The following GALR1 variants were observed in gnomAD, a reference collection of about 807,000 sequenced individuals.
GALR1 encodes the protein galanin receptor 1.
A neutral mutation model predicts 17.9 loss-of-function variants in GALR1; 11 were observed. The ratio of observed to expected loss-of-function variants is 0.62; its 90% CI spans 0.39 to 1.02. The LOEUF (loss-of-function observed/expected upper bound fraction) is 1.02, where lower values mean the gene tolerates loss of function less well. Ranked by LOEUF, GALR1 falls within the 50% of genes least tolerant of loss-of-function variation. The pLI, the probability that GALR1 is intolerant of heterozygous loss-of-function variation, is 0.01. For synonymous variants in GALR1, 206 were observed against 205.7 expected (o/e 1.00, Z -0.01); for missense variants, 441 against 456.9 (o/e 0.97, Z 0.32).
chr18:77,271,957 G>GT lies in GALR1; in HGVS notation c.*3056dup, dbSNP rs1399263774. 6.6e-5 allele frequency: 10 copies of GT among 152,198 alleles called. No homozygotes were observed. Among genetic ancestry groups the GT allele is most frequent in the African/African-American group, 2.4e-4 (10 of 41,544 alleles). 9.4% of individuals were successfully genotyped at this position (152,198 alleles called of 1,614,324 possible). A position where few individuals can be genotyped will look rare whatever the true frequency, so the allele number is the denominator to read the frequency against. ...AGATTCTCTGTGCTCTTCTGACCGG[G>GT]TATGTACTCAGCAACATGGGGGACT... On this transcript the variant is annotated 3_prime_UTR_variant, in exon 3 of 3. Coordinates refer to ENST00000299727, the MANE Select transcript of GALR1 (RefSeq NM_001480.4).
At chr18:77,261,827 T>A (rs1448483058) in intron 2 of GALR1, among the ~76,000 whole-genome samples, 4 of 152,170 alleles carry the variant, frequency 2.6e-5, no homozygotes, top group African/African-American at 4.8e-5. Context: ...TGAGCTCCTT[T>A]TAAATTTATT....
rs374792480 is a variant in GALR1 at position 77,272,188 on chromosome 18, A to G, written c.*3286A>G. On this transcript the variant is annotated 3_prime_UTR_variant, in exon 3 of 3. Transcript: ENST00000299727. Reference sequence around the variant, plus strand: ...TCTTTCAGCGCAGATATAACAAATCAGAGTGGGGAGGAGAGATGCTTAAGG... The same window carrying G: ...TCTTTCAGCGCAGATATAACAAATCGGAGTGGGGAGGAGAGATGCTTAAGG... 4.6e-5 allele frequency: 7 copies of G among 152,358 alleles called. No individual in the cohort carries two copies. The South Asian group carries it at 1.2e-3, about 27-fold the overall frequency. The allele number at this position is 152,358 out of a possible 1,614,324, so 9.4% of individuals were successfully genotyped here. A position where few individuals can be genotyped will look rare whatever the true frequency, so the allele number is the denominator to read the frequency against.
intron 2 of GALR1, among the ~76,000 whole-genome samples, chr18:77,257,889 A>G (rs1398764793): frequency 1.3e-5 from 2 of 152,254 alleles, no homozygotes; most frequent in Non-Finnish European, 2.9e-5. Flanking sequence ...AACTGAGAAG[A>G]CACCATTGAT....
chr18:77,269,184 T>G lies in GALR1; in HGVS notation c.*282T>G. 1 of 342,224 alleles carries G rather than the reference T, an allele frequency of 2.9e-6. No homozygotes were observed. Among genetic ancestry groups the G allele is most frequent in the Non-Finnish European group, 5.3e-6 (1 of 188,292 alleles). 21.2% of individuals were successfully genotyped at this position (342,224 alleles called of 1,614,324 possible). ...TCCTCTTCAGACATGAAAGGGAACA[T>G]ATATATTCCATATATATGTTCAACT... On this transcript the variant is annotated 3_prime_UTR_variant, in exon 3 of 3. Coordinates refer to ENST00000299727, the MANE Select transcript of GALR1 (RefSeq NM_001480.4).
At chr18:77,267,646 C>G (rs2144967564) in intron 2 of GALR1, among the ~76,000 whole-genome samples, 1 of 152,342 alleles carries the variant, frequency 6.6e-6, no homozygotes, top group East Asian at 1.9e-4. Flanking sequence ...TTAAAAAATA[C>G]TAGACTCCCG....
At chr18:77,261,468 C>T (rs1008158606) in intron 2 of GALR1, among the ~76,000 whole-genome samples, 4 of 152,172 alleles carry the variant, frequency 2.6e-5, no homozygotes, top group Admixed American at 2.0e-4. Flanking sequence ...ACTTTCTCTG[C>T]GCTGTATCCA....
chr18:77,253,290 G>C (rs1430250149), intron 1 of GALR1, among the ~76,000 whole-genome samples: 1 of 152,192 alleles, frequency 6.6e-6, no homozygotes, highest in Non-Finnish European at 1.5e-5. Flanking sequence ...AGGAACACCT[G>C]ACCCAGATTA....
intron 1 of GALR1, 65 bp from the exon 2 acceptor site, chr18:77,256,093 A>G: frequency 1.2e-6 from 1 of 818,648 alleles, no homozygotes; most frequent in South Asian, 1.5e-5. Context: ...ATAATTGTTA[A>G]TGCAACATAG....
At position 77,250,120 on chromosome 18, in the gene GALR1, C is replaced by A. The variant is rs949425772; in HGVS notation, c.-429C>A. ...GAGCGGCTCCGAGCAACAGGTGCAG[C>A]ACGCAGCCCCTCCGGGAGCCAGGGA... On this transcript the variant is annotated 5_prime_UTR_variant, in exon 1 of 3. Coordinates refer to ENST00000299727, the MANE Select transcript of GALR1 (RefSeq NM_001480.4). Among the ~76,000 whole-genome samples the A allele has an allele frequency of 6.6e-6, 1 of 152,212 alleles. No homozygotes were observed. The highest frequency in any genetic ancestry group is 1.5e-5 in the Non-Finnish European group (1 of 68,042).
At chr18:77,256,306 C>A in intron 2 of GALR1, 83 bp downstream of exon 2, 1 of 778,586 alleles carries the variant, frequency 1.3e-6, no homozygotes, top group Admixed American at 2.1e-5. Flanking sequence ...TCACGTCCAT[C>A]CAAAGCCTGT....
rs747555394 is a variant in GALR1 at position 77,271,392 on chromosome 18, A to T, written c.*2490A>T. On this transcript the variant is annotated 3_prime_UTR_variant, in exon 3 of 3. Coordinates refer to ENST00000299727, the MANE Select transcript of GALR1 (RefSeq NM_001480.4). ...GAGTCTACTTCTAAAACAAATTTTG[A>T]TAGGGATAATGACATCTTCTGCAAA... 15 of 152,140 alleles carry T rather than the reference A, an allele frequency of 9.9e-5. No individual in the cohort carries two copies. Among genetic ancestry groups the T allele is most frequent in the Admixed American group, 6.5e-5 (1 of 15,280 alleles). The allele number at this position is 152,140 out of a possible 1,614,324, so 9.4% of individuals were successfully genotyped here.
intron 2 of GALR1, among the ~76,000 whole-genome samples, chr18:77,259,784 G>A (rs537049018): frequency 1.2e-3 from 182 of 152,052 alleles, no homozygotes; most frequent in Non-Finnish European, 2.2e-3. Context: ...GTAAGAAGAG[G>A]GTGTGGAAGC....
At chr18:77,268,035 G>T (rs1912979860) in intron 2 of GALR1, among the ~76,000 whole-genome samples, 1 of 152,124 alleles carries the variant, frequency 6.6e-6, no homozygotes, top group South Asian at 2.1e-4. Context: ...AAGCAAAAGG[G>T]ACTAATTCGG....
Position 77,250,614 on chromosome 18 carries a change from G to C in GALR1, c.66G>C (p.Glu22Asp), listed in dbSNP as rs750585637. The change falls in exon 1 of 3, where the codon GAG (glutamate) becomes GAC (aspartate). Residue 22 changes from glutamate to aspartate, a missense_variant. Coordinates refer to ENST00000299727, the MANE Select transcript of GALR1 (RefSeq NM_001480.4). ...NASWPEPPAP[E>D]PGPLFGIGVE... ...GCTGGCCGGAGCCCCCCGCCCCGGA[G>C]CCCGGGCCGCTGTTCGGCATCGGCG... The C allele has an allele frequency of 7.0e-6, 11 of 1,572,528 alleles. No homozygotes were observed. Among genetic ancestry groups the C allele is most frequent in the Non-Finnish European group, 9.5e-6 (11 of 1,162,702 alleles).
intron 1 of GALR1, among the ~76,000 whole-genome samples, chr18:77,252,902 C>CCACCATCACCACCAT (rs1912469134): frequency 2.1e-5 from 1 of 47,216 alleles, no homozygotes; most frequent in Non-Finnish European, 5.2e-5. Context: ...ACCATCACCA[C>CCACCATCACCACCAT]CACCACCACC....
rs762419119 is a variant in GALR1, at chr18:77,268,690, G to T, written c.838G>T (p.Ala280Ser). 1 of 1,614,102 alleles carries T rather than the reference G, an allele frequency of 6.2e-7. No individual in the cohort carries two copies. The highest frequency in any genetic ancestry group is 1.1e-5 in the South Asian group (1 of 91,088). The change falls in exon 3 of 3, where the codon GCT (alanine) becomes TCT (serine). Residue 280 changes from alanine to serine, a missense_variant. Physicochemically the swap from Ala to Ser is moderately conservative, Grantham distance 99 (BLOSUM62 1). Transcript: ENST00000299727. ...GTTTGGAGTTTTCCCGCTGACGCCG[G>T]CTTCCTTCCTCTTCAGAATCACCGC... ...AEFGVFPLTP[A>S]SFLFRITAHC...
chr18:77,258,716 C>CCATGG (rs1599358222), intron 2 of GALR1, among the ~76,000 whole-genome samples: 1 of 11,140 alleles, frequency 9.0e-5, no homozygotes, highest in African/African-American at 2.7e-4. Context: ...GATGGTGGTG[C>CCATGG]TGGTGATGGT....
intron 2 of GALR1, among the ~76,000 whole-genome samples, chr18:77,264,479 G>C (rs1480613681): frequency 6.6e-6 from 1 of 152,088 alleles, no homozygotes; most frequent in East Asian, 1.9e-4. Flanking sequence ...TTAGAAAACA[G>C]ACTGGTGGCC....
In GALR1 at chr18:77,274,427, GT is replaced by G. The variant is rs1913117224; in HGVS notation, c.*5526del. On this transcript the variant is annotated 3_prime_UTR_variant, in exon 3 of 3. Transcript: ENST00000299727. ...TTTGTGTTTGTGTGGCCTGCACTGT[GT>G]AAGTGTCGTTCCCCTAGGACTTCTG... 1 of 152,284 alleles carries G rather than the reference GT, an allele frequency of 6.6e-6. No homozygotes were observed. The highest frequency in any genetic ancestry group is 6.5e-5 in the Admixed American group (1 of 15,280). The allele number at this position is 152,284 out of a possible 1,614,324, so 9.4% of individuals were successfully genotyped here. A position where few individuals can be genotyped will look rare whatever the true frequency, so the allele number is the denominator to read the frequency against.
Sources: allele counts gnomAD v4.1 joint callset (sites outside exome capture counted in the v4.1 genomes callset), GRCh38; gene constraint gnomAD v4.1.1; transcripts MANE v1.5; gene names NCBI Gene and HGNC (gene_info 2026-07-23, HGNC 2026-07-21).